MELK: variants seen among roughly 807,000 people sequenced by gnomAD.
The protein encoded by MELK is pEg3 kinase.
MELK carries 81 observed loss-of-function variants against 85.0 expected under a neutral mutation model. The observed-to-expected ratio is 0.95, with a 90% CI of 0.80 to 1.15. The LOEUF is 1.15. MELK is among the 50% of genes most tolerant of loss of function. MELK has a pLI of 0.00. For missense variants in MELK, 754 were observed against 777.5 expected, an observed-to-expected ratio of 0.97 and a Z score of 0.36; for synonymous variants, 252 against 265.0, an observed-to-expected ratio of 0.95 and a Z score of 0.48.
At chr9:36,666,847 C>T (rs1366520016) in intron 14 of MELK, among the ~76,000 whole-genome samples, 25 of 114,020 alleles carry the variant, frequency 2.2e-4, no homozygotes, top group African/African-American at 8.4e-4. Flanking sequence ...CTGATGATGT[C>T]TGTGTTTGTG....
At chr9:36,576,642 C>T (rs1821678564) in intron 1 of MELK, among the ~76,000 whole-genome samples, 1 of 152,162 alleles carries the variant, frequency 6.6e-6, no homozygotes, top group South Asian at 2.1e-4. Context: ...AGCGATTCTC[C>T]TTCCTCAGCC....
intron 12 of MELK, among the ~76,000 whole-genome samples, chr9:36,655,478 G>A (rs77468813): frequency 0.031 from 4,324 of 140,810 alleles, 207 homozygotes; most frequent in African/African-American, 0.1. Flanking sequence ...GAGAGAGAGA[G>A]AACGCAAGTG....
At chr9:36,669,000 T>C (rs1377794191) in intron 14 of MELK, among the ~76,000 whole-genome samples, 1 of 152,210 alleles carries the variant, frequency 6.6e-6, no homozygotes, top group Non-Finnish European at 1.5e-5. Context: ...TCAGTAATTA[T>C]GAGATTTGTA....
intron 16 of MELK, 72 bp downstream of exon 16, chr9:36,671,238 G>A: frequency 1.4e-6 from 2 of 1,388,216 alleles, no homozygotes; most frequent in Admixed American, 5.9e-5. Context: ...TTTTTAAGGT[G>A]CTGAATGAAT....
chr9:36,662,374 G>C (rs1831937928), intron 13 of MELK, among the ~76,000 whole-genome samples: 1 of 151,492 alleles, frequency 6.6e-6, no homozygotes, highest in Non-Finnish European at 1.5e-5. Context: ...CTCCCAAGTA[G>C]CCGGGTTTAC....
rs1458648695 is a variant in MELK, at chr9:36,650,649, C to G, written c.922-1097C>G. On this transcript the variant is annotated intron_variant, in intron 11 of 17. Coordinates refer to ENST00000298048, the MANE Select transcript of MELK (RefSeq NM_014791.4). ...GCAAGATCTCAAAAAATTTACTTCC[C>G]ATGCATGCGCCCTCAGGAAGTCACT... is the stretch of plus-strand genomic sequence containing the variant. Among the ~76,000 whole-genome samples, 7 of 152,328 alleles carry G rather than the reference C, an allele frequency of 4.6e-5. No homozygotes were observed. The East Asian group carries it at 1.3e-3, about 29-fold the overall frequency.
At chr9:36,615,349 C>T (rs867395021) in intron 8 of MELK, among the ~76,000 whole-genome samples, 1 of 127,230 alleles carries the variant, frequency 7.9e-6, no homozygotes. Flanking sequence ...GGGGGGCTGA[C>T]CCCCCCACCT....
At chr9:36,671,909 G>A (rs1832923810) in intron 16 of MELK, among the ~76,000 whole-genome samples, 1 of 152,164 alleles carries the variant, frequency 6.6e-6, no homozygotes, top group South Asian at 2.1e-4. Flanking sequence ...GGCTGGCTGT[G>A]AAAACAGGCT....
chr9:36,621,292 A>AAAAAAAAAAC (rs1827404125), intron 8 of MELK, among the ~76,000 whole-genome samples: 1 of 105,618 alleles, frequency 9.5e-6, no homozygotes, highest in East Asian at 2.5e-4. Flanking sequence ...AAAAAAAAAA[A>AAAAAAAAAAC]AAAAAAAAAA....
chr9:36,606,021 T>C (rs764727880), intron 7 of MELK, among the ~76,000 whole-genome samples: 10 of 151,414 alleles, frequency 6.6e-5, no homozygotes, highest in Non-Finnish European at 1.3e-4. Context: ...CCTCAGCTAA[T>C]GGTGGCATCA....
intron 10 of MELK, among the ~76,000 whole-genome samples, chr9:36,638,246 T>C (rs1829400037): frequency 6.6e-6 from 1 of 152,156 alleles, no homozygotes; most frequent in African/African-American, 2.4e-5. Flanking sequence ...TATAAAGTTA[T>C]GAGTGTTCCA....
intron 8 of MELK, among the ~76,000 whole-genome samples, chr9:36,628,255 A>G (rs1393260287): frequency 6.6e-6 from 1 of 152,150 alleles, no homozygotes; most frequent in African/African-American, 2.4e-5. Flanking sequence ...TGTATGGCCA[A>G]CTGGACCCCA....
At chr9:36,640,905 C>G (rs1429645206) in intron 10 of MELK, among the ~76,000 whole-genome samples, 1 of 152,222 alleles carries the variant, frequency 6.6e-6, no homozygotes, top group Non-Finnish European at 1.5e-5. Flanking sequence ...TTTACTGTTT[C>G]TTTTCATGAT....
chr9:36,617,604 G>T (rs1826974177), intron 8 of MELK, among the ~76,000 whole-genome samples: 1 of 152,182 alleles, frequency 6.6e-6, no homozygotes, highest in African/African-American at 2.4e-5. Flanking sequence ...ATAGGCATGA[G>T]CCACTGTGCC....
chr9:36,660,966 G>C (rs981783560), intron 13 of MELK, among the ~76,000 whole-genome samples: 1 of 152,100 alleles, frequency 6.6e-6, no homozygotes, highest in Non-Finnish European at 1.5e-5. Flanking sequence ...ACTCCAGCCT[G>C]GGCAACAAGA....
intron 10 of MELK, among the ~76,000 whole-genome samples, chr9:36,640,735 C>T (rs564494556): frequency 5.3e-5 from 8 of 152,366 alleles, no homozygotes; most frequent in Admixed American, 4.6e-4. Context: ...CAGGCATGAG[C>T]CATTGTACTT....
intron 8 of MELK, among the ~76,000 whole-genome samples, chr9:36,619,746 T>G (rs1297259299): frequency 6.6e-6 from 1 of 152,142 alleles, no homozygotes; most frequent in East Asian, 1.9e-4. Flanking sequence ...TGTGTTTGAG[T>G]TGTGCTGAAT....
chr9:36,602,208 A>G (rs1284838068), intron 7 of MELK, among the ~76,000 whole-genome samples: 1 of 152,116 alleles, frequency 6.6e-6, no homozygotes, highest in African/African-American at 2.4e-5. Context: ...GGAGTTTCAC[A>G]TGGGCTGGGC....
At chr9:36,583,821 ACCTTT>A in intron 3 of MELK, 109 bp downstream of exon 3, 1 of 740,150 alleles carries the variant, frequency 1.4e-6, no homozygotes, top group Non-Finnish European at 2.1e-6. Context: ...ATATTTTTAT[ACCTTT>A]TAAAAAACGT....
Sources: gnomAD v4.1 joint callset for allele counts (sites outside exome capture counted in the v4.1 genomes callset) on GRCh38, gnomAD v4.1.1 for gene constraint, MANE v1.5 for transcripts, NCBI Gene and HGNC (gene_info 2026-07-23, HGNC 2026-07-21) for gene names.